The following CDKN1C variants were observed in gnomAD, a reference collection of about 807,000 sequenced individuals.
CDKN1C encodes cyclin-dependent kinase inhibitor 1C.
In CDKN1C, 7 loss-of-function variants were observed where a neutral mutation model predicts 16.5. The ratio of observed to expected loss-of-function variants is 0.42; its 90% CI spans 0.24 to 0.80. The LOEUF is 0.80. CDKN1C is among the 30% of genes least tolerant of loss of function. The pLI is 0.26. For missense variants in CDKN1C, 429 were observed against 437.3 expected (o/e 0.98, Z 0.17); for synonymous variants, 288 against 214.4 (o/e 1.34, Z -3.00).
At position 2,884,706 on chromosome 11, in the gene CDKN1C, C is replaced by T. The variant is rs1300586071; in HGVS notation, c.751G>A (p.Ala251Thr). The change falls in exon 2 of 4, where the codon GCG (alanine) becomes ACG (threonine). Residue 251 changes from alanine (A) to threonine (T), a missense_variant. Physicochemically the swap from Ala to Thr is moderately conservative, Grantham distance 58. Transcript: ENST00000440480. ...AGTAAASANG[A>T]AIKKLSGPLI... ...GGCCCGGACAGCTTCTTGATCGCCG[C>T]GCCGTTGGCGCTGGCGGCCGCGGTG... The T allele has an allele frequency of 2.0e-6, 3 of 1,493,862 alleles. No homozygotes were observed. Among genetic ancestry groups the T allele is most frequent in the Admixed American group, 2.1e-5 (1 of 48,226 alleles). The allele number at this position is 1,493,862 out of a possible 1,614,324, so 92.5% of individuals were successfully genotyped here. A position where few individuals can be genotyped will look rare whatever the true frequency, so the allele number is the denominator to read the frequency against.
Position 2,884,687 on chromosome 11 carries a change from G to T in CDKN1C, c.770C>A (p.Ser257Tyr). ...SANGAAIKKL[S>Y]GPLISDFFAK... Reference sequence around the variant, plus strand: ...GGGCTCACCGGAGATCAGAGGCCCGGACAGCTTCTTGATCGCCGCGCCGTT... The same window carrying T: ...GGGCTCACCGGAGATCAGAGGCCCGTACAGCTTCTTGATCGCCGCGCCGTT... The change falls in exon 2 of 4, where the codon TCC becomes TAC. Residue 257 changes from serine to tyrosine, a missense_variant. Ser to Tyr is a moderately radical substitution (Grantham distance 144). Transcript: ENST00000440480. 1 of 1,469,648 alleles carries T rather than the reference G, an allele frequency of 6.8e-7. No individual in the cohort carries two copies. The highest frequency in any genetic ancestry group is 1.3e-5 in the South Asian group (1 of 78,876). The allele number at this position is 1,469,648 out of a possible 1,614,324, so 91.0% of individuals were successfully genotyped here.
rs1424141761 is a variant in CDKN1C at position 2,885,292 on chromosome 11, C to A, written c.165G>T (p.Gln55His). 3.1e-6 allele frequency: 5 copies of A among 1,594,260 alleles called. No homozygotes were observed. Among genetic ancestry groups the A allele is most frequent in the Non-Finnish European group, 4.3e-6 (5 of 1,171,852 alleles). Residue 55 changes from glutamine to histidine, a missense_variant, in exon 2 of 4, where the codon CAG becomes CAT. Physicochemically the swap from Gln to His is conservative, Grantham distance 24. Coordinates refer to ENST00000440480, the MANE Select transcript of CDKN1C (RefSeq NM_001122630.2). ...EDQNRWDYDF[Q>H]QDMPLRGPGR... ...CAGGGCCCCGCAGCGGCATGTCCTG[C>A]TGGAAGTCGTAATCCCAGCGGTTCT... is the stretch of plus-strand genomic sequence containing the variant.
At chr11:2,885,530 G>C (rs1306529924) in intron 1 of CDKN1C, 64 bp from the exon 2 acceptor site, 1 of 1,536,704 alleles carries the variant, frequency 6.5e-7, no homozygotes, top group South Asian at 1.2e-5. Context: ...GAGAGGAGAG[G>C]ACAGCGAGAA....
Position 2,884,710 on chromosome 11 carries a change from G to A in CDKN1C, c.747C>T (p.Asn249=). The A allele has an allele frequency of 6.7e-7, 1 of 1,498,834 alleles. No homozygotes were observed. The allele number at this position is 1,498,834 out of a possible 1,614,324, so 92.8% of individuals were successfully genotyped here. Reference sequence around the variant, plus strand: ...CGGACAGCTTCTTGATCGCCGCGCCGTTGGCGCTGGCGGCCGCGGTGCCGG... The same window carrying A: ...CGGACAGCTTCTTGATCGCCGCGCCATTGGCGCTGGCGGCCGCGGTGCCGG... ...PAAGTAAASA[N]GAAIKKLSGP... The change falls in exon 2 of 4, where the codon AAC becomes AAT. Residue 249 remains asparagine (N), a synonymous_variant. Transcript: ENST00000440480.
Position 2,884,046 on chromosome 11 carries a change from G to A in CDKN1C, c.876C>T (p.Gly292=), listed in dbSNP as rs377216794. The part of the protein sequence containing the change: ...APCPSPSAAP[G]VGSVEQTPRK... ...GCGGGGTCTGCTCCACCGAGCCCAC[G>A]CCAGGGGCGGCGCTTGGAGAGGGAC... Residue 292 remains glycine (G), a synonymous_variant, in exon 3 of 4, where the codon GGC becomes GGT. Transcript: ENST00000440480. 157 of 1,555,004 alleles carry A rather than the reference G, an allele frequency of 1.0e-4. No individual in the cohort carries two copies. Among genetic ancestry groups the A allele is most frequent in the Non-Finnish European group, 1.2e-4 (138 of 1,150,076 alleles).
rs756961090 is a variant in CDKN1C, at chr11:2,885,446, A to G, written c.11T>C (p.Leu4Pro). ...TACTGGGAAGGTCCCACGGGCGACA[A>G]GACGCTCCATCGTGGATGTGCTGCG... The part of the protein sequence containing the change: MER[L>P]VARGTFPVLV... Residue 4 changes from leucine to proline, a missense_variant, in exon 2 of 4, where the codon CTT (leucine) becomes CCT (proline). By Grantham distance (98) the Leu-to-Pro change is moderately conservative (BLOSUM62 -3). Transcript: ENST00000440480. 1.3e-6 allele frequency: 2 copies of G among 1,547,174 alleles called. No individual in the cohort carries two copies. Among genetic ancestry groups the G allele is most frequent in the African/African-American group, 1.4e-5 (1 of 73,222 alleles).
Position 2,884,670 on chromosome 11 carries a change from C to A in CDKN1C, c.787G>T (p.Asp263Tyr). 7.2e-7 allele frequency: 1 copy of A among 1,381,888 alleles called. No individual in the cohort carries two copies. The highest frequency in any genetic ancestry group is 9.4e-7 in the Non-Finnish European group (1 of 1,064,326). 85.6% of individuals were successfully genotyped at this position (1,381,888 alleles called of 1,614,324 possible). ...CGGGGCGGGGCCGTGCGGGGCTCAC[C>A]GGAGATCAGAGGCCCGGACAGCTTC... ...IKKLSGPLISDFFAKRKRSAP... is the reference protein window; with the variant it reads ...IKKLSGPLISYFFAKRKRSAP... Residue 263 changes from aspartate (D) to tyrosine (Y), a missense_variant and splice_region_variant, in exon 2 of 4, where the codon GAT (aspartate) becomes TAT (tyrosine). Asp to Tyr is a radical substitution (Grantham distance 160, BLOSUM62 -3). Coordinates refer to ENST00000440480, the MANE Select transcript of CDKN1C (RefSeq NM_001122630.2).
chr11:2,885,131 T>A lies in CDKN1C; in HGVS notation c.326A>T (p.Glu109Val). 1 of 1,484,600 alleles carries A rather than the reference T, an allele frequency of 6.7e-7. No individual in the cohort carries two copies. Among genetic ancestry groups the A allele is most frequent in the South Asian group, 1.3e-5 (1 of 75,178 alleles). 92.0% of individuals were successfully genotyped at this position (1,484,600 alleles called of 1,614,324 possible). A position where few individuals can be genotyped will look rare whatever the true frequency, so the allele number is the denominator to read the frequency against. ...AVAVAVSPPL[E>V]PAAESLDGLE... Reference sequence around the variant, plus strand: ...GCCGTCGAGGGACTCAGCGGCCGGCTCGAGGGGCGGGCTGACAGCCACCGC... The same window carrying A: ...GCCGTCGAGGGACTCAGCGGCCGGCACGAGGGGCGGGCTGACAGCCACCGC... The change falls in exon 2 of 4, where the codon GAG becomes GTG. Residue 109 changes from glutamate (E) to valine (V), a missense_variant. Physicochemically the swap from Glu to Val is moderately radical, Grantham distance 121. Coordinates refer to ENST00000440480, the MANE Select transcript of CDKN1C (RefSeq NM_001122630.2).
Position 2,885,007 on chromosome 11 carries a change from A to AGCCGGG in CDKN1C, c.444_449dup (p.Ala152_Pro153dup), listed in dbSNP as rs1301544231. On this transcript the variant is annotated inframe_insertion, in exon 2 of 4. Coordinates refer to ENST00000440480, the MANE Select transcript of CDKN1C (RefSeq NM_001122630.2). Reference sequence around the variant, plus strand: ...CGACCGGAGCCGCGACCGGAGCCGGAGCCGGGGCCGGGGCTGGAGCCAGGA... The same window carrying AGCCGGG: ...CGACCGGAGCCGCGACCGGAGCCGGAGCCGGGGCCGGGGCCGGGGCTGGAGCCAGGA... 1 of 1,028,824 alleles carries AGCCGGG rather than the reference A, an allele frequency of 9.7e-7. No individual in the cohort carries two copies. The highest frequency in any genetic ancestry group is 1.2e-6 in the Non-Finnish European group (1 of 815,200). The allele number at this position is 1,028,824 out of a possible 1,614,324, so 63.7% of individuals were successfully genotyped here. A position where few individuals can be genotyped will look rare whatever the true frequency, so the allele number is the denominator to read the frequency against.
rs1848841225 is a variant in CDKN1C, at chr11:2,883,260, AGGGGCC to A, written c.*655_*660del. Reference sequence around the variant, plus strand: ...CTCTTTATTTAGAACCCGGCGGACGAGGGGCCGGGGCAGTGGTACAGACGGCTCAGG... The same window carrying A: ...CTCTTTATTTAGAACCCGGCGGACGAGGGGCAGTGGTACAGACGGCTCAGG... On this transcript the variant is annotated 3_prime_UTR_variant, in exon 4 of 4. Coordinates refer to ENST00000440480, the MANE Select transcript of CDKN1C (RefSeq NM_001122630.2). The A allele has an allele frequency of 6.6e-6, 1 of 152,334 alleles. No homozygotes were observed. The highest frequency in any genetic ancestry group is 1.5e-5 in the Non-Finnish European group (1 of 68,132). The allele number at this position is 152,334 out of a possible 1,614,324, so 9.4% of individuals were successfully genotyped here. A position where few individuals can be genotyped will look rare whatever the true frequency, so the allele number is the denominator to read the frequency against.
Position 2,885,280 on chromosome 11 carries a change from C to A in CDKN1C, c.177G>T (p.Pro59=), listed in dbSNP as rs1441014990. 6.3e-7 allele frequency: 1 copy of A among 1,586,392 alleles called. No individual in the cohort carries two copies. ...RWDYDFQQDM[P]LRGPGRLQWT... ...ACTGCAGGCGTCCAGGGCCCCGCAG[C>A]GGCATGTCCTGCTGGAAGTCGTAAT... is the stretch of plus-strand genomic sequence containing the variant. The change falls in exon 2 of 4, where the codon CCG becomes CCT. Residue 59 remains proline (P), a synonymous_variant. Transcript: ENST00000440480.
chr11:2,883,972 G>A (rs1848870209), intron 3 of CDKN1C, 27 bp downstream of exon 3: 1 of 1,547,310 alleles, frequency 6.5e-7, no homozygotes, highest in Non-Finnish European at 8.7e-7. Context: ...TCGGCCCTCC[G>A]CGCCCCCCCA....
rs939461350 is a variant in CDKN1C, at chr11:2,883,511, T to C, written c.*410A>G. 11 of 248,704 alleles carry C rather than the reference T, an allele frequency of 4.4e-5. No homozygotes were observed. The highest frequency in any genetic ancestry group is 2.5e-4 in the African/African-American group (11 of 44,712). 15.4% of individuals were successfully genotyped at this position (248,704 alleles called of 1,614,324 possible). The stretch of plus-strand genomic sequence containing the variant: ...CCTTTGGCATAACCAATAACCGAGC[T>C]AGTGCGTGGCAGAGCGGTCCACGCC... On this transcript the variant is annotated 3_prime_UTR_variant, in exon 4 of 4. Transcript: ENST00000440480.
rs751324426 is a variant in CDKN1C, at chr11:2,883,978, C to CT, written c.*5+20_*5+21insA. 3.2e-6 allele frequency: 5 copies of CT among 1,562,668 alleles called. No homozygotes were observed. In the Admixed American group the frequency reaches 7.5e-5, roughly 24 times the overall value. ...CCCGGCGGGTCGGCCCTCCGCGCCC[C>CT]CCCAGGTGCGCTGTACTCACTTGGC... On this transcript the variant is annotated intron_variant, in intron 3 of 3. Transcript: ENST00000440480.
At position 2,883,633 on chromosome 11, in the gene CDKN1C, CTTTTTTT is replaced by C. The variant is rs1464328977; in HGVS notation, c.*281_*287del. 2 of 572,586 alleles carry C rather than the reference CTTTTTTT, an allele frequency of 3.5e-6. No homozygotes were observed. The highest frequency in any genetic ancestry group is 5.1e-6 in the Non-Finnish European group (2 of 391,868). The allele number at this position is 572,586 out of a possible 1,614,324, so 35.5% of individuals were successfully genotyped here. The stretch of plus-strand genomic sequence containing the variant: ...TTTTTTCCTTTTTTTTTTCTTTTTT[CTTTTTTT>C]TGCACTGAGTTTCAGCAGAGATTAA... On this transcript the variant is annotated 3_prime_UTR_variant, in exon 4 of 4. Transcript: ENST00000440480.
In CDKN1C at chr11:2,885,617, A is replaced by C; in HGVS notation, c.-11+17T>G. On this transcript the variant is annotated intron_variant, in intron 1 of 3. Coordinates refer to ENST00000440480, the MANE Select transcript of CDKN1C (RefSeq NM_001122630.2). ...CGCGCCGCCCGACTCTGCGTGTGCG[A>C]GGGACGCGGCGGCTACCTGGCTGTC... 1 of 1,219,264 alleles carries C rather than the reference A, an allele frequency of 8.2e-7. No individual in the cohort carries two copies. Among genetic ancestry groups the C allele is most frequent in the Non-Finnish European group, 1.1e-6 (1 of 879,164 alleles). 75.5% of individuals were successfully genotyped at this position (1,219,264 alleles called of 1,614,324 possible).
rs757091712 is a variant in CDKN1C, at chr11:2,883,979, C to CG, written c.*5+19_*5+20insC. 4.2e-5 allele frequency: 65 copies of CG among 1,562,176 alleles called. No homozygotes were observed. Among genetic ancestry groups the CG allele is most frequent in the Middle Eastern group, 1.7e-4 (1 of 5,996 alleles). On this transcript the variant is annotated intron_variant, in intron 3 of 3. Transcript: ENST00000440480. ...CCGGCGGGTCGGCCCTCCGCGCCCC[C>CG]CCAGGTGCGCTGTACTCACTTGGCT...
chr11:2,885,219 A>G lies in CDKN1C; in HGVS notation c.238T>C (p.Tyr80His), dbSNP rs1060499712. The G allele has an allele frequency of 6.5e-7, 1 of 1,547,196 alleles. No homozygotes were observed. Residue 80 changes from tyrosine to histidine, a missense_variant, in exon 2 of 4, where the codon TAC becomes CAC. Transcript: ENST00000440480. ...EVDSDSVPAFYRETVQVGRCR... is the reference protein window; with the variant it reads ...EVDSDSVPAFHRETVQVGRCR... Reference sequence around the variant, plus strand: ...CGCCCCACCTGCACCGTCTCGCGGTAGAACGCGGGCACCGAGTCGCTGTCC... The same window carrying G: ...CGCCCCACCTGCACCGTCTCGCGGTGGAACGCGGGCACCGAGTCGCTGTCC...
In CDKN1C at chr11:2,885,657, T is replaced by C. The variant is rs986016677; in HGVS notation, c.-34A>G. 2.5e-6 allele frequency: 2 copies of C among 800,540 alleles called. No individual in the cohort carries two copies. The highest frequency in any genetic ancestry group is 1.8e-5 in the South Asian group (1 of 57,094). The allele number at this position is 800,540 out of a possible 1,614,324, so 49.6% of individuals were successfully genotyped here. A position where few individuals can be genotyped will look rare whatever the true frequency, so the allele number is the denominator to read the frequency against. ...ACCTGGCTGTCCGGTGGTGGACTCT[T>C]CTGCGTCGGGTTCGCCTGTCTCGTC... On this transcript the variant is annotated 5_prime_UTR_variant, in exon 1 of 4. Coordinates refer to ENST00000440480, the MANE Select transcript of CDKN1C (RefSeq NM_001122630.2).
Sources: allele counts gnomAD v4.1 joint callset, GRCh38; gene constraint gnomAD v4.1.1; transcripts MANE v1.5; gene names NCBI Gene and HGNC (gene_info 2026-07-23, HGNC 2026-07-21).